RBFOX1: variants seen among roughly 807,000 people sequenced by gnomAD.
RBFOX1 encodes RNA binding fox-1 homolog 1, also known as RNA binding protein fox-1 homolog 1.
A neutral mutation model predicts 57.7 loss-of-function variants in RBFOX1; 8 were observed. That is an observed-to-expected ratio of 0.14 (90% CI 0.08 to 0.25). The LOEUF (loss-of-function observed/expected upper bound fraction) is 0.25. Ranked by LOEUF, RBFOX1 falls within the 10% of genes least tolerant of loss-of-function variation. The probability of loss-of-function intolerance (pLI) is 1.00; values close to 1 mark genes in which losing one functional copy is unlikely to be tolerated. For missense variants in RBFOX1, 611 were observed against 548.5 expected, an observed-to-expected ratio of 1.11 and a Z score of -1.14; for synonymous variants, 326 against 222.4, an observed-to-expected ratio of 1.47 and a Z score of -4.15.
intron 2 of RBFOX1, among the ~76,000 whole-genome samples, chr16:5,541,996 G>A (rs1362593359): frequency 6.6e-6 from 1 of 152,068 alleles, no homozygotes; most frequent in African/African-American, 2.4e-5. Flanking sequence ...ATCACCAGGG[G>A]CCTGTTTAAA....
intron 3 of RBFOX1, among the ~76,000 whole-genome samples, chr16:6,805,426 A>C (rs1422300932): frequency 6.6e-6 from 1 of 152,144 alleles, no homozygotes; most frequent in African/African-American, 2.4e-5. Flanking sequence ...AGCAGAAAAA[A>C]ATAACTTGGG....
At chr16:6,903,074 A>T (rs931536681) in intron 3 of RBFOX1, among the ~76,000 whole-genome samples, 3 of 152,198 alleles carry the variant, frequency 2.0e-5, no homozygotes, top group Admixed American at 6.5e-5. Context: ...CTGTTGGAGC[A>T]ACCTGACTCA....
chr16:6,686,435 G>T (rs1442692688), intron 3 of RBFOX1, among the ~76,000 whole-genome samples: 3 of 152,148 alleles, frequency 2.0e-5, no homozygotes, highest in Admixed American at 6.5e-5. Context: ...GCAGGCCTCC[G>T]TTGTACTCAC....
At chr16:7,048,495 A>G (rs59316172) in intron 3 of RBFOX1, among the ~76,000 whole-genome samples, 12,723 of 150,486 alleles carry the variant, frequency 0.085, 814 homozygotes, top group East Asian at 0.29. Flanking sequence ...TCCTGACCTC[A>G]TGATCCACCC....
At chr16:5,497,638 A>AAAAAAAAAAAAAT (rs71142625) in intron 2 of RBFOX1, among the ~76,000 whole-genome samples, 20 of 139,446 alleles carry the variant, frequency 1.4e-4, no homozygotes, top group African/African-American at 4.4e-4. Flanking sequence ...AAAAAAAAAA[A>AAAAAAAAAAAAAT]GCTGGGCATG....
At chr16:7,170,642 A>G (rs544162541) in intron 4 of RBFOX1, among the ~76,000 whole-genome samples, 24 of 152,290 alleles carry the variant, frequency 1.6e-4, no homozygotes, top group African/African-American at 5.1e-4. Flanking sequence ...CACTTTGGGT[A>G]TCTTTTAGCC....
intron 3 of RBFOX1, among the ~76,000 whole-genome samples, chr16:6,790,430 C>G (rs779753278): frequency 1.4e-4 from 21 of 152,122 alleles, no homozygotes; most frequent in Middle Eastern, 3.4e-3. Flanking sequence ...GGTGATCTAC[C>G]CACCTCGGCC....
intron 4 of RBFOX1, among the ~76,000 whole-genome samples, chr16:7,492,225 A>G (rs527489574): frequency 6.6e-6 from 1 of 152,368 alleles, no homozygotes; most frequent in East Asian, 1.9e-4. Flanking sequence ...TTCGTTTACC[A>G]ATAAGAATGT....
chr16:5,428,720 A>G (rs78419286), intron 1 of RBFOX1, among the ~76,000 whole-genome samples: 1,700 of 152,262 alleles, frequency 0.011, 33 homozygotes, highest in African/African-American at 0.038. Context: ...CAGATGGTAC[A>G]TTACATGGAG....
chr16:5,315,197 G>T (rs1452072519), intron 1 of RBFOX1, among the ~76,000 whole-genome samples: 2 of 152,216 alleles, frequency 1.3e-5, no homozygotes, highest in Non-Finnish European at 2.9e-5. Flanking sequence ...GCTCTGTACC[G>T]GAGGGAAGAT....
At chr16:7,042,465 G>A (rs1380946416) in intron 3 of RBFOX1, among the ~76,000 whole-genome samples, 4 of 152,170 alleles carry the variant, frequency 2.6e-5, no homozygotes, top group African/African-American at 4.8e-5. Context: ...TTTTCCACCT[G>A]TAAAATGGAG....
At chr16:7,642,895 C>T (rs571893747) in intron 11 of RBFOX1, among the ~76,000 whole-genome samples, 4 of 152,220 alleles carry the variant, frequency 2.6e-5, no homozygotes, top group Non-Finnish European at 5.9e-5. Context: ...GACTGAGACT[C>T]ATTCTCATTT....
At chr16:7,625,162 T>A (rs2059896698) in intron 10 of RBFOX1, among the ~76,000 whole-genome samples, 1 of 152,004 alleles carries the variant, frequency 6.6e-6, no homozygotes. Context: ...CTTTAATGTG[T>A]AAATGCGGGT....
rs189002087 is a variant in RBFOX1, at chr16:6,098,896, G to T, written c.-127+78904G>T. ...CTGGTAAATAATTGGGAGGGATGTG[G>T]CTTGGGTTGAGGGATGTGGCTTCGT... On this transcript the variant is annotated intron_variant, in intron 1 of 15. Coordinates refer to ENST00000550418, the MANE Select transcript of RBFOX1 (RefSeq NM_018723.4). Among the ~76,000 whole-genome samples the T allele has an allele frequency of 2.3e-3, 353 of 152,324 alleles. 1 individual carries two copies. The highest frequency in any genetic ancestry group is 4.2e-3 in the Non-Finnish European group (284 of 68,036).
intron 3 of RBFOX1, among the ~76,000 whole-genome samples, chr16:5,675,746 C>A (rs566298342): frequency 1.3e-5 from 2 of 152,112 alleles, no homozygotes; most frequent in African/African-American, 4.8e-5. Flanking sequence ...CTGTTCTAGT[C>A]ATCCACTCTC....
rs1034039091 is a variant in RBFOX1 at position 7,711,496 on chromosome 16, T to C, written c.*751T>C. 6.6e-6 allele frequency: 1 copy of C among 152,608 alleles called. No individual in the cohort carries two copies. Among genetic ancestry groups the C allele is most frequent in the African/African-American group, 2.4e-5 (1 of 41,436 alleles). The allele number at this position is 152,608 out of a possible 1,614,324, so 9.5% of individuals were successfully genotyped here. ...GCCATCAACAAGCATTCTTTTTATA[T>C]TTCTTCCAGTATAATAAATTATTGA... On this transcript the variant is annotated 3_prime_UTR_variant, in exon 16 of 16. Coordinates refer to ENST00000550418, the MANE Select transcript of RBFOX1 (RefSeq NM_018723.4).
intron 3 of RBFOX1, among the ~76,000 whole-genome samples, chr16:5,740,996 A>C (rs551777709): frequency 6.6e-6 from 1 of 152,166 alleles, no homozygotes; most frequent in Non-Finnish European, 1.5e-5. Flanking sequence ...TAAAGGAGGC[A>C]GGTGGTAAAA....
chr16:6,834,159 C>T (rs772827318), intron 3 of RBFOX1, among the ~76,000 whole-genome samples: 4 of 152,106 alleles, frequency 2.6e-5, no homozygotes, highest in Admixed American at 6.5e-5. Context: ...CCACAACCTC[C>T]GCCTCCCCAG....
intron 2 of RBFOX1, among the ~76,000 whole-genome samples, chr16:6,328,531 A>G (rs2082640171): frequency 6.6e-6 from 1 of 152,174 alleles, no homozygotes; most frequent in Admixed American, 6.5e-5. Flanking sequence ...CTAGCAGTTC[A>G]TTAAGATTCA....
Sources: allele counts gnomAD v4.1 joint callset (sites outside exome capture counted in the v4.1 genomes callset), GRCh38; gene constraint gnomAD v4.1.1; transcripts MANE v1.5; gene names NCBI Gene and HGNC (gene_info 2026-07-23, HGNC 2026-07-21).